The following SDK1 variants were observed in gnomAD, a reference collection of about 807,000 sequenced individuals.
SDK1 encodes sidekick cell adhesion molecule 1.
SDK1 carries 157 observed loss-of-function variants against 245.5 expected under a neutral mutation model. The ratio of observed to expected loss-of-function variants is 0.64; its 90% confidence interval spans 0.56 to 0.73. The LOEUF is 0.73. Among genes scored for constraint, SDK1 ranks in the 30% least tolerant of loss-of-function variants. The probability of loss-of-function intolerance (pLI) is 0.00; values close to 1 mark genes in which losing one functional copy is unlikely to be tolerated. For synonymous variants in SDK1, 1,647 were observed against 1,278.5 expected, an observed-to-expected ratio of 1.29 and a Z score of -6.15; for missense variants, 3,583 against 3,002.3, an observed-to-expected ratio of 1.19 and a Z score of -4.52.
At chr7:3,713,264 C>G (rs1174560241) in intron 4 of SDK1, among the ~76,000 whole-genome samples, 1 of 152,168 alleles carries the variant, frequency 6.6e-6, no homozygotes, top group African/African-American at 2.4e-5. Flanking sequence ...TTTCTCCTTC[C>G]AAGTCGTCTG....
intron 30 of SDK1, 75 bp downstream of exon 30, chr7:4,149,538 G>A (rs1041600865): frequency 4.6e-6 from 5 of 1,093,798 alleles, no homozygotes; most frequent in South Asian, 2.1e-5. Context: ...TCCAGATAGT[G>A]GGGAGGCTGT....
chr7:3,728,957 C>T (rs1243093641), intron 4 of SDK1, among the ~76,000 whole-genome samples: 1 of 152,084 alleles, frequency 6.6e-6, no homozygotes, highest in African/African-American at 2.4e-5. Context: ...TCTAGAAAAA[C>T]TTGTATTTAA....
chr7:4,180,628 A>T (rs1782551357), intron 35 of SDK1, among the ~76,000 whole-genome samples: 1 of 152,222 alleles, frequency 6.6e-6, no homozygotes, highest in South Asian at 2.1e-4. Flanking sequence ...GGGGTAATTT[A>T]TAAGAAAAGA....
At chr7:4,242,890 C>G (rs1218101959) in intron 43 of SDK1, among the ~76,000 whole-genome samples, 1 of 152,196 alleles carries the variant, frequency 6.6e-6, no homozygotes, top group Non-Finnish European at 1.5e-5. Flanking sequence ...CGCCGAGGCA[C>G]GGGTGGGCCT....
chr7:3,596,555 C>A (rs187880899), intron 1 of SDK1, among the ~76,000 whole-genome samples: 22 of 152,310 alleles, frequency 1.4e-4, no homozygotes, highest in South Asian at 6.2e-4. Flanking sequence ...ACCACCTCCT[C>A]ACTCCAGATG....
intron 4 of SDK1, among the ~76,000 whole-genome samples, chr7:3,658,174 G>T (rs1783247254): frequency 6.6e-6 from 1 of 152,166 alleles, no homozygotes; most frequent in Admixed American, 6.5e-5. Flanking sequence ...CCCCTCACAG[G>T]TGTTAAGAGC....
intron 4 of SDK1, among the ~76,000 whole-genome samples, chr7:3,806,881 A>G (rs1307753208): frequency 6.6e-6 from 1 of 152,108 alleles, no homozygotes; most frequent in Non-Finnish European, 1.5e-5. Flanking sequence ...TTGTCTGGGA[A>G]CTAAGAGTGA....
chr7:4,110,815 C>T, intron 23 of SDK1, 43 bp downstream of exon 23: 1 of 1,391,998 alleles, frequency 7.2e-7, no homozygotes, highest in Non-Finnish European at 1.0e-6. Flanking sequence ...GAAACACTGG[C>T]AGCCCAGGCA....
intron 5 of SDK1, among the ~76,000 whole-genome samples, chr7:3,914,995 T>C (rs1779315039): frequency 6.6e-6 from 1 of 152,234 alleles, no homozygotes; most frequent in African/African-American, 2.4e-5. Context: ...ATCAGAATCA[T>C]GCGCCATCCT....
At chr7:4,131,504 A>T (rs1784817349) in intron 27 of SDK1, among the ~76,000 whole-genome samples, 1 of 152,210 alleles carries the variant, frequency 6.6e-6, no homozygotes, top group Non-Finnish European at 1.5e-5. Flanking sequence ...CCAGGGACAG[A>T]CGTCAGCGGC....
chr7:3,891,446 A>C (rs149972872), intron 5 of SDK1, among the ~76,000 whole-genome samples: 2 of 152,328 alleles, frequency 1.3e-5, no homozygotes, highest in East Asian at 3.9e-4. Context: ...ATGAATGCCG[A>C]GGATCGTTTT....
intron 28 of SDK1, among the ~76,000 whole-genome samples, chr7:4,139,289 G>A (rs1584263114): frequency 6.6e-6 from 1 of 152,170 alleles, no homozygotes; most frequent in South Asian, 2.1e-4. Context: ...GTGATTTCAT[G>A]GGTTTTTTTT....
chr7:4,024,896 G>A (rs535099135), intron 17 of SDK1, among the ~76,000 whole-genome samples: 8 of 132,186 alleles, frequency 6.1e-5, no homozygotes, highest in Admixed American at 1.4e-4. Context: ...TCCCACAGCC[G>A]CATTATGTGG....
intron 1 of SDK1, among the ~76,000 whole-genome samples, chr7:3,557,581 A>T (rs576888910): frequency 2.0e-5 from 3 of 152,200 alleles, no homozygotes; most frequent in Admixed American, 6.5e-5. Context: ...GTAAATATCA[A>T]ACTGAGGAAA....
At chr7:3,966,724 C>T (rs1049431303) in intron 9 of SDK1, among the ~76,000 whole-genome samples, 8 of 151,846 alleles carry the variant, frequency 5.3e-5, no homozygotes, top group African/African-American at 1.7e-4. Context: ...CTCACTCTGT[C>T]ACCCAGGCTG....
chr7:3,451,039 G>A (rs1780496875), intron 1 of SDK1, among the ~76,000 whole-genome samples: 1 of 152,122 alleles, frequency 6.6e-6, no homozygotes, highest in Non-Finnish European at 1.5e-5. Context: ...GCAATAAAGA[G>A]GTCATCAGTG....
At chr7:3,535,947 G>A (rs1420272085) in intron 1 of SDK1, among the ~76,000 whole-genome samples, 1 of 151,834 alleles carries the variant, frequency 6.6e-6, no homozygotes, top group Non-Finnish European at 1.5e-5. Flanking sequence ...TTTATTACTA[G>A]TCAATATCTA....
chr7:3,381,031 T>C (rs1781474797), intron 1 of SDK1, among the ~76,000 whole-genome samples: 1 of 152,142 alleles, frequency 6.6e-6, no homozygotes, highest in South Asian at 2.1e-4. Flanking sequence ...TGGATATTGG[T>C]AGGCAACTTG....
chr7:3,882,384 G>A (rs182946431), intron 5 of SDK1, among the ~76,000 whole-genome samples: 15 of 152,280 alleles, frequency 9.9e-5, no homozygotes, highest in Admixed American at 4.6e-4. Flanking sequence ...GGTCAATGCC[G>A]TATGAGCCAG....
Sources: allele counts gnomAD v4.1 joint callset (sites outside exome capture counted in the v4.1 genomes callset), GRCh38; gene constraint gnomAD v4.1.1; transcripts MANE v1.5; gene names NCBI Gene and HGNC (gene_info 2026-07-23, HGNC 2026-07-21).